The following IL1RAPL2 variants were observed in gnomAD, a reference collection of about 807,000 sequenced individuals.
IL1RAPL2 encodes interleukin 1 receptor accessory protein like 2.
Under a neutral mutation model 44.1 loss-of-function variants are expected in IL1RAPL2, and 3 were observed. The ratio of observed to expected loss-of-function variants is 0.07; its 90% CI spans 0.03 to 0.18. IL1RAPL2 has a LOEUF of 0.18. IL1RAPL2 is among the 10% of genes least tolerant of loss of function. The pLI is 1.00. For missense variants in IL1RAPL2, 391 were observed against 496.4 expected (o/e 0.79, Z 2.02); for synonymous variants, 181 against 178.8 (o/e 1.01, Z -0.10).
chrX:105,463,100 C>T (rs749641061), intron 5 of IL1RAPL2, among the ~76,000 whole-genome samples: 1 of 111,565 alleles, frequency 9.0e-6, no homozygotes, highest in Non-Finnish European at 1.9e-5. Flanking sequence ...TTGATATTTT[C>T]GGGATCACAG....
At chrX:104,804,620 ACT>A (rs1932908432) in intron 2 of IL1RAPL2, among the ~76,000 whole-genome samples, 1 of 111,834 alleles carries the variant, frequency 8.9e-6, no homozygotes, top group Non-Finnish European at 1.9e-5. Context: ...GAACTCAAAG[ACT>A]CTTTTTGATG....
At chrX:104,949,408 C>G (rs1569349437) in intron 2 of IL1RAPL2, among the ~76,000 whole-genome samples, 1 of 109,486 alleles carries the variant, frequency 9.1e-6, no homozygotes, top group Non-Finnish European at 1.9e-5. Flanking sequence ...TTTTTTGTGT[C>G]TCTATTTCCT....
At chrX:105,674,159 G>T (rs1381855366) in intron 6 of IL1RAPL2, among the ~76,000 whole-genome samples, 1 of 111,853 alleles carries the variant, frequency 8.9e-6, no homozygotes, top group East Asian at 2.8e-4. Context: ...TCTGTGCAAA[G>T]CTCCTTAGTT....
chrX:105,169,682 C>T (rs1379140812), intron 2 of IL1RAPL2, among the ~76,000 whole-genome samples: 2 of 106,372 alleles, frequency 1.9e-5, no homozygotes, highest in Admixed American at 1.0e-4. Context: ...GTGCATGCCA[C>T]CACACCTGGC....
At chrX:104,632,417 A>C (rs1413985908) in intron 1 of IL1RAPL2, among the ~76,000 whole-genome samples, 2 of 111,683 alleles carry the variant, frequency 1.8e-5, no homozygotes, top group Non-Finnish European at 3.8e-5. Context: ...CATTGAATCT[A>C]TAAATTACCT....
intron 6 of IL1RAPL2, among the ~76,000 whole-genome samples, chrX:105,496,443 A>G (rs1203962799): frequency 1.8e-5 from 2 of 112,696 alleles, no homozygotes; most frequent in Non-Finnish European, 3.7e-5. Flanking sequence ...AGAAAGAAAG[A>G]GAATCATGCT....
At chrX:104,744,963 A>G (rs1932150487) in intron 2 of IL1RAPL2, among the ~76,000 whole-genome samples, 1 of 110,500 alleles carries the variant, frequency 9.0e-6, no homozygotes, top group South Asian at 3.8e-4. Context: ...AGAAGCATAG[A>G]ATGACTAGAT....
chrX:105,296,139 C>T (rs1426728059), intron 5 of IL1RAPL2, among the ~76,000 whole-genome samples: 5 of 111,357 alleles, frequency 4.5e-5, no homozygotes, highest in Non-Finnish European at 9.4e-5. Flanking sequence ...TATGAAAATT[C>T]CTTTTAATTC....
chrX:105,256,038 G>T, intron 4 of IL1RAPL2, among the ~76,000 whole-genome samples: 1 of 111,932 alleles, frequency 8.9e-6, no homozygotes, highest in East Asian at 2.8e-4. Context: ...TAGATGTGCT[G>T]CTGGATTTTG....
At chrX:105,766,277 C>T (rs2038728903) in intron 10 of IL1RAPL2, among the ~76,000 whole-genome samples, 1 of 111,877 alleles carries the variant, frequency 8.9e-6, no homozygotes, top group Non-Finnish European at 1.9e-5. Context: ...ACAAAAGCAG[C>T]CAGTTCCAAT....
intron 2 of IL1RAPL2, among the ~76,000 whole-genome samples, chrX:104,964,193 T>C (rs1291907344): frequency 9.0e-6 from 1 of 111,598 alleles, no homozygotes; most frequent in Non-Finnish European, 1.9e-5. Flanking sequence ...ATCTCCTTTG[T>C]CTTTGCCTGA....
intron 6 of IL1RAPL2, among the ~76,000 whole-genome samples, chrX:105,605,023 C>A (rs781660011): frequency 9.1e-6 from 1 of 110,285 alleles, no homozygotes; most frequent in African/African-American, 3.3e-5. Flanking sequence ...CAAACCTACC[C>A]CTAACATCAT....
intron 5 of IL1RAPL2, among the ~76,000 whole-genome samples, chrX:105,428,969 G>A (rs1434895354): frequency 9.0e-6 from 1 of 111,296 alleles, no homozygotes; most frequent in African/African-American, 3.3e-5. Flanking sequence ...ATGGAGACAC[G>A]TTCTGCCCCA....
intron 2 of IL1RAPL2, among the ~76,000 whole-genome samples, chrX:104,743,481 A>G (rs1196689667): frequency 9.0e-6 from 1 of 110,643 alleles, no homozygotes; most frequent in Non-Finnish European, 1.9e-5. Context: ...CTTATATAGT[A>G]ATAATTACCA....
chrX:105,649,758 C>G (rs148086676), intron 6 of IL1RAPL2, among the ~76,000 whole-genome samples: 351 of 111,558 alleles, frequency 3.1e-3, no homozygotes, highest in African/African-American at 0.011. Context: ...AGGAACATTC[C>G]TGTCATGTCA....
At chrX:104,918,537 A>G (rs1924533383) in intron 2 of IL1RAPL2, among the ~76,000 whole-genome samples, 1 of 112,167 alleles carries the variant, frequency 8.9e-6, no homozygotes, top group Non-Finnish European at 1.9e-5. Flanking sequence ...GGTGCAGGGC[A>G]AAGGGGGTTT....
intron 6 of IL1RAPL2, among the ~76,000 whole-genome samples, chrX:105,703,069 A>G (rs2038133109): frequency 8.9e-6 from 1 of 111,846 alleles, no homozygotes; most frequent in Non-Finnish European, 1.9e-5. Context: ...TGGAAAAGAA[A>G]GTTAAGATCA....
intron 2 of IL1RAPL2, among the ~76,000 whole-genome samples, chrX:104,942,043 T>C (rs1925192570): frequency 8.9e-6 from 1 of 111,831 alleles, no homozygotes; most frequent in Admixed American, 9.5e-5. Context: ...GTCTCTGTTC[T>C]GTTCCATTGG....
chrX:104,580,787 TTCTATC>T (rs1928330626), intron 1 of IL1RAPL2, among the ~76,000 whole-genome samples: 1 of 111,878 alleles, frequency 8.9e-6, no homozygotes, highest in Non-Finnish European at 1.9e-5. Context: ...CAATAATATT[TTCTATC>T]TCTGAGTGTC....
Sources: allele counts gnomAD v4.1 joint callset (sites outside exome capture counted in the v4.1 genomes callset), GRCh38; gene constraint gnomAD v4.1.1; transcripts MANE v1.5; gene names NCBI Gene and HGNC (gene_info 2026-07-23, HGNC 2026-07-21).